The following PAX3 variants were observed in gnomAD, a reference collection of about 807,000 sequenced individuals.
PAX3 encodes the protein paired box 3.
Under a neutral mutation model 51.6 loss-of-function variants are expected in PAX3, and 14 were observed. That is an observed-to-expected ratio of 0.27 (90% CI 0.18 to 0.42). The LOEUF (loss-of-function observed/expected upper bound fraction) is 0.42. Among genes scored for constraint, PAX3 ranks in the 10% least tolerant of loss-of-function variants. The pLI is 1.00. For synonymous variants in PAX3, 280 were observed against 253.4 expected (o/e 1.11, Z -1.00); for missense variants, 540 against 642.8 (o/e 0.84, Z 1.73).
chr2:222,266,144 G>C (rs1389627406), intron 4 of PAX3, among the ~76,000 whole-genome samples: 2 of 152,114 alleles, frequency 1.3e-5, no homozygotes, highest in Admixed American at 1.3e-4. Flanking sequence ...CAAATTGCTG[G>C]AGCCTACACG....
chr2:222,215,139 T>G (rs1369044231), intron 7 of PAX3, among the ~76,000 whole-genome samples: 1 of 152,108 alleles, frequency 6.6e-6, no homozygotes. Flanking sequence ...TAGGAAAGGC[T>G]CAGAAAGCTT....
chr2:222,298,432 TC>T, intron 1 of PAX3, 98 bp downstream of exon 1: 1 of 994,376 alleles, frequency 1.0e-6, no homozygotes, highest in Non-Finnish European at 1.5e-6. Context: ...GGAATGGGCT[TC>T]CTGGAAGCAC....
At chr2:222,211,914 T>C (rs1691750663) in intron 7 of PAX3, among the ~76,000 whole-genome samples, 1 of 152,194 alleles carries the variant, frequency 6.6e-6, no homozygotes, top group Non-Finnish European at 1.5e-5. Context: ...CACACCACTG[T>C]TCTACAGAGC....
At chr2:222,234,014 C>G (rs1692707203) in intron 4 of PAX3, among the ~76,000 whole-genome samples, 1 of 152,156 alleles carries the variant, frequency 6.6e-6, no homozygotes, top group African/African-American at 2.4e-5. Flanking sequence ...CTACAGAAAT[C>G]TAAAATTTCA....
In PAX3 at chr2:222,226,174, C is replaced by T. The variant is rs537947523; in HGVS notation, c.793-4787G>A. 5.9e-5 allele frequency among the ~76,000 whole-genome samples: 9 copies of T among 152,246 alleles called. No individual in the cohort carries two copies. In the South Asian group the frequency reaches 1.9e-3, roughly 32 times the overall value. On this transcript the variant is annotated intron_variant, in intron 5 of 8. Coordinates refer to ENST00000392070, the MANE Select transcript of PAX3 (RefSeq NM_181458.4). ...ATAGTTAATCCTTAGAAAGAGAATT[C>T]GCAACAAGATTGTAAAACGTTTGGT...
chr2:222,290,477 C>T (rs1325892896), intron 4 of PAX3, among the ~76,000 whole-genome samples: 2 of 152,102 alleles, frequency 1.3e-5, no homozygotes, highest in African/African-American at 2.4e-5. Context: ...TGTTGCAAAC[C>T]TCCCACGCTC....
chr2:222,233,812 G>A (rs928635268), intron 4 of PAX3, among the ~76,000 whole-genome samples: 10 of 152,128 alleles, frequency 6.6e-5, no homozygotes, highest in Admixed American at 2.0e-4. Flanking sequence ...AGAAGGGGCC[G>A]AGGTTACTGT....
intron 4 of PAX3, among the ~76,000 whole-genome samples, chr2:222,275,843 A>C (rs951504439): frequency 5.9e-5 from 9 of 152,338 alleles, no homozygotes; most frequent in South Asian, 4.1e-4. Flanking sequence ...TGGCATTGAA[A>C]ATTTTGATTT....
intron 4 of PAX3, among the ~76,000 whole-genome samples, chr2:222,247,157 G>A (rs1304029483): frequency 6.6e-6 from 1 of 152,144 alleles, no homozygotes; most frequent in Non-Finnish European, 1.5e-5. Flanking sequence ...CCAAGTCCAT[G>A]TCTTTATTCC....
intron 4 of PAX3, among the ~76,000 whole-genome samples, chr2:222,260,990 C>T (rs1693842356): frequency 6.6e-6 from 1 of 152,192 alleles, no homozygotes; most frequent in Non-Finnish European, 1.5e-5. Flanking sequence ...AGGCTGTGGC[C>T]AGAAGCACTC....
At chr2:222,279,343 A>C (rs1258952722) in intron 4 of PAX3, among the ~76,000 whole-genome samples, 1 of 141,836 alleles carries the variant, frequency 7.1e-6, no homozygotes, top group African/African-American at 2.6e-5. Flanking sequence ...TGTAGTAGTA[A>C]TAGTAGTAGG....
At chr2:222,254,823 G>A (rs1441755396) in intron 4 of PAX3, among the ~76,000 whole-genome samples, 3 of 151,686 alleles carry the variant, frequency 2.0e-5, no homozygotes, top group African/African-American at 7.3e-5. Flanking sequence ...TGCTCTATTG[G>A]CCAGGCTAGA....
chr2:222,286,084 T>G (rs1694824426), intron 4 of PAX3, among the ~76,000 whole-genome samples: 2 of 152,238 alleles, frequency 1.3e-5, no homozygotes, highest in Middle Eastern at 3.2e-3. Context: ...GTTACAGGCG[T>G]GTGCCATCAC....
At position 222,200,430 on chromosome 2, in the gene PAX3, T is replaced by C; in HGVS notation, c.*978A>G. 1 of 229,782 alleles carries C rather than the reference T, an allele frequency of 4.4e-6. No homozygotes were observed. 14.2% of individuals were successfully genotyped at this position (229,782 alleles called of 1,614,324 possible). A position where few individuals can be genotyped will look rare whatever the true frequency, so the allele number is the denominator to read the frequency against. ...TCAAAGGAGCAACCCGGGTGTTGGT[T>C]GTCCAGCAAATGGCAAACATCACTG... is the stretch of plus-strand genomic sequence containing the variant. On this transcript the variant is annotated 3_prime_UTR_variant, in exon 9 of 9. Coordinates refer to ENST00000392070, the MANE Select transcript of PAX3 (RefSeq NM_181458.4).
In PAX3 at chr2:222,200,295, A is replaced by C; in HGVS notation, c.*1113T>G. On this transcript the variant is annotated 3_prime_UTR_variant, in exon 9 of 9. Transcript: ENST00000392070. ...ATTGGATATCATTGTATAATTTAAA[A>C]GTACATGAGAGCCATGTGAACACTT... is the stretch of plus-strand genomic sequence containing the variant. The C allele has an allele frequency of 9.1e-6, 2 of 218,676 alleles. No homozygotes were observed. Among genetic ancestry groups the C allele is most frequent in the Non-Finnish European group, 1.8e-5 (2 of 108,644 alleles). 13.5% of individuals were successfully genotyped at this position (218,676 alleles called of 1,614,324 possible).
At position 222,200,534 on chromosome 2, in the gene PAX3, T is replaced by G; in HGVS notation, c.*874A>C. On this transcript the variant is annotated 3_prime_UTR_variant, in exon 9 of 9. Transcript: ENST00000392070. ...TACTTCTGATTTTGCTTATATCGCC[T>G]TGGGCATTGCCAAAGCATCCATGAG... 1 of 231,544 alleles carries G rather than the reference T, an allele frequency of 4.3e-6. No homozygotes were observed. The highest frequency in any genetic ancestry group is 8.6e-6 in the Non-Finnish European group (1 of 116,838). 14.3% of individuals were successfully genotyped at this position (231,544 alleles called of 1,614,324 possible).
intron 4 of PAX3, among the ~76,000 whole-genome samples, chr2:222,279,168 G>C (rs1200369381): frequency 6.6e-6 from 1 of 152,174 alleles, no homozygotes; most frequent in Non-Finnish European, 1.5e-5. Context: ...TGGCTAGGCT[G>C]GTCTCGACCT....
intron 7 of PAX3, among the ~76,000 whole-genome samples, chr2:222,206,201 A>C (rs935644603): frequency 2.0e-5 from 3 of 151,938 alleles, no homozygotes; most frequent in Non-Finnish European, 4.4e-5. Context: ...AAACAATTTC[A>C]AAGAAAAAGA....
intron 4 of PAX3, 146 bp from the exon 5 acceptor site, chr2:222,232,429 T>A: frequency 1.4e-6 from 1 of 710,902 alleles, no homozygotes; most frequent in Non-Finnish European, 2.3e-6. Flanking sequence ...AAAAAACAAG[T>A]CTAACCAATC....
Sources: allele counts gnomAD v4.1 joint callset (sites outside exome capture counted in the v4.1 genomes callset), GRCh38; gene constraint gnomAD v4.1.1; transcripts MANE v1.5; gene names NCBI Gene and HGNC (gene_info 2026-07-23, HGNC 2026-07-21).